Variants in KIF4A observed in about 807,000 individuals in gnomAD.
The protein encoded by KIF4A is kinesin family member 4A.
A neutral mutation model predicts 105.9 loss-of-function variants in KIF4A; 7 were observed. That is an observed-to-expected ratio of 0.07 (90% confidence interval 0.04 to 0.12). The LOEUF (loss-of-function observed/expected upper bound fraction) is 0.12. Among genes scored for constraint, KIF4A ranks in the 10% least tolerant of loss-of-function variants. The pLI is 1.00. For missense variants in KIF4A, 558 were observed against 929.2 expected, an observed-to-expected ratio of 0.60 and a Z score of 5.19; for synonymous variants, 281 against 331.3, an observed-to-expected ratio of 0.85 and a Z score of 1.65.
Position 70,402,568 on chromosome X carries a change from G to A in KIF4A, c.2492G>A (p.Ser831Asn), listed in dbSNP as rs756618496. 1.7e-6 allele frequency: 2 copies of A among 1,211,683 alleles called. No homozygotes were observed. Among genetic ancestry groups the A allele is most frequent in the South Asian group, 1.8e-5 (1 of 56,882 alleles). ...ESLETEMEFR[S>N]AQIADLQQKL... is the part of the protein sequence containing the mutation. ...GCTTACTGTTTCTTTCCCTGAAGGA[G>A]TGCTCAGATTGCTGACCTACAGCAG... is the stretch of plus-strand genomic sequence containing the variant. Residue 831 changes from serine (S) to asparagine (N), a missense_variant and splice_region_variant, in exon 23 of 31, where the codon AGT becomes AAT. Physicochemically the swap from Ser to Asn is conservative, Grantham distance 46 (BLOSUM62 1). Coordinates refer to ENST00000374403, the MANE Select transcript of KIF4A (RefSeq NM_012310.5).
chrX:70,322,994 C>T (rs1429499939), intron 7 of KIF4A, among the ~76,000 whole-genome samples: 1 of 110,420 alleles, frequency 9.1e-6, no homozygotes, highest in Non-Finnish European at 1.9e-5. Flanking sequence ...ACCATGCTGC[C>T]TCCTTAAGGC....
At position 70,404,814 on chromosome X, in the gene KIF4A, A is replaced by G. The variant is rs1488728078; in HGVS notation, c.2890A>G (p.Lys964Glu). 1 of 1,178,682 alleles carries G rather than the reference A, an allele frequency of 8.5e-7. No homozygotes were observed. Among genetic ancestry groups the G allele is most frequent in the Admixed American group, 2.2e-5 (1 of 45,486 alleles). ...EKEQQLLSTL[K>E]CQDEELEKMR... ...GGAACAGCAGCTGCTGAGCACACTG[A>G]AGTGTCAGGTATGATCACGAGAGGT... Residue 964 changes from lysine to glutamate, a missense_variant, in exon 25 of 31, where the codon AAG becomes GAG. Around this residue, in one of 2 missense-constraint regions of KIF4A, gnomAD observed 469 missense variants for 680.4 expected, o/e 0.69. Coordinates refer to ENST00000374403, the MANE Select transcript of KIF4A (RefSeq NM_012310.5).
intron 15 of KIF4A, among the ~76,000 whole-genome samples, chrX:70,370,686 A>G (rs1482660999): frequency 1.8e-5 from 2 of 110,302 alleles, no homozygotes; most frequent in Non-Finnish European, 3.8e-5. Context: ...CTATAATCCC[A>G]ATACTTTGGG....
At chrX:70,317,276 CAA>C (rs2085872973) in intron 7 of KIF4A, among the ~76,000 whole-genome samples, 1 of 111,557 alleles carries the variant, frequency 9.0e-6, no homozygotes. Flanking sequence ...TCAAGCTTCT[CAA>C]AAAAGCTTAC....
intron 7 of KIF4A, among the ~76,000 whole-genome samples, chrX:70,304,958 G>A (rs1017869410): frequency 8.1e-5 from 9 of 111,133 alleles, no homozygotes; most frequent in Non-Finnish European, 1.3e-4. Context: ...CACCATACCC[G>A]GCCTCATTTC....
At chrX:70,351,504 G>T (rs1429087702) in intron 13 of KIF4A, among the ~76,000 whole-genome samples, 1 of 111,469 alleles carries the variant, frequency 9.0e-6, no homozygotes, top group East Asian at 2.8e-4. Flanking sequence ...AGTGTTCCAT[G>T]GTGTGACTAT....
intron 4 of KIF4A, among the ~76,000 whole-genome samples, chrX:70,298,649 T>C (rs1245097671): frequency 8.9e-6 from 1 of 112,456 alleles, no homozygotes; most frequent in Non-Finnish European, 1.9e-5. Context: ...AGCAAACACA[T>C]GTAGTGCTTA....
intron 15 of KIF4A, among the ~76,000 whole-genome samples, chrX:70,363,601 A>G (rs1461545951): frequency 9.0e-6 from 1 of 111,568 alleles, no homozygotes. Flanking sequence ...TACATAGTCC[A>G]TGCTGTATAT....
chrX:70,394,009 G>A (rs946206339), intron 20 of KIF4A, among the ~76,000 whole-genome samples: 1 of 107,658 alleles, frequency 9.3e-6, no homozygotes, highest in Non-Finnish European at 1.9e-5. Context: ...CAGATTACAG[G>A]CACATGCCAC....
chrX:70,397,104 C>T (rs989016034), intron 22 of KIF4A, among the ~76,000 whole-genome samples: 7 of 111,082 alleles, frequency 6.3e-5, no homozygotes, highest in Non-Finnish European at 1.1e-4. Flanking sequence ...GGCACGGTAG[C>T]TCTCGCCTGT....
intron 7 of KIF4A, among the ~76,000 whole-genome samples, chrX:70,313,789 G>C (rs1159285718): frequency 1.8e-5 from 2 of 112,256 alleles, no homozygotes; most frequent in Non-Finnish European, 3.8e-5. Context: ...AAGACTTTTA[G>C]GGGCTCTAAA....
In KIF4A at chrX:70,375,292, C is replaced by T. The variant is rs753527161; in HGVS notation, c.1867C>T (p.Leu623=). 1.1e-5 allele frequency: 13 copies of T among 1,211,333 alleles called. No homozygotes were observed. Among genetic ancestry groups the T allele is most frequent in the Non-Finnish European group, 1.3e-5 (12 of 895,095 alleles). Residue 623 remains leucine (L), a synonymous_variant, in exon 17 of 31, where the codon CTG becomes TTG. Coordinates refer to ENST00000374403, the MANE Select transcript of KIF4A (RefSeq NM_012310.5). Reference sequence around the variant, plus strand: ...GAAACTGAATGAGCAGTCCAAACTTCTGAAACTAAAGGAATCCACAGAGCG... The same window carrying T: ...GAAACTGAATGAGCAGTCCAAACTTTTGAAACTAAAGGAATCCACAGAGCG... ...KKKLNEQSKL[L]KLKESTERTV...
chrX:70,328,650 A>T (rs1206779774), intron 7 of KIF4A, among the ~76,000 whole-genome samples: 1 of 111,984 alleles, frequency 8.9e-6, no homozygotes, highest in Non-Finnish European at 1.9e-5. Context: ...TTAACCCAAG[A>T]TCATATAACT....
chrX:70,317,417 A>G (rs764199483), intron 7 of KIF4A, among the ~76,000 whole-genome samples: 1 of 111,356 alleles, frequency 9.0e-6, no homozygotes, highest in African/African-American at 3.3e-5. Flanking sequence ...AAGCATCTAT[A>G]TAACTACCAC....
intron 28 of KIF4A, among the ~76,000 whole-genome samples, chrX:70,409,273 G>A (rs2086312138): frequency 8.9e-6 from 1 of 112,142 alleles, no homozygotes; most frequent in African/African-American, 3.2e-5. Flanking sequence ...AGTCTTGGGA[G>A]CAACTGGGAG....
At chrX:70,402,512 C>G in intron 22 of KIF4A, 54 bp from the exon 23 acceptor site, 2 of 1,179,992 alleles carry the variant, frequency 1.7e-6, no homozygotes, top group Admixed American at 4.5e-5. Context: ...AGCTCTTCCC[C>G]CTTCTTGATG....
At chrX:70,408,055 T>G (rs1226867558) in intron 28 of KIF4A, among the ~76,000 whole-genome samples, 1 of 103,350 alleles carries the variant, frequency 9.7e-6, no homozygotes, top group Non-Finnish European at 2.0e-5. Context: ...GCAACAAGAG[T>G]GAGATTCCAT....
chrX:70,371,643 CA>C (rs1250349444), intron 15 of KIF4A, among the ~76,000 whole-genome samples: 18 of 103,600 alleles, frequency 1.7e-4, no homozygotes, highest in African/African-American at 6.5e-4. Flanking sequence ...GGCGGCTGGC[CA>C]GGTGGGGGGC....
At chrX:70,307,788 T>G (rs2085833251) in intron 7 of KIF4A, among the ~76,000 whole-genome samples, 1 of 112,270 alleles carries the variant, frequency 8.9e-6, no homozygotes, top group Non-Finnish European at 1.9e-5. Context: ...TCACTTGTTT[T>G]TGTTTGTTTA....
Sources: gnomAD v4.1 joint callset for allele counts (sites outside exome capture counted in the v4.1 genomes callset) on GRCh38, gnomAD v4.1.1 for gene constraint, gnomAD v4.1.1 regional missense constraint, MANE v1.5 for transcripts, NCBI Gene and HGNC (gene_info 2026-07-23, HGNC 2026-07-21) for gene names.